PDE4B: variants seen among roughly 807,000 people sequenced by gnomAD.
PDE4B encodes the protein phosphodiesterase 4B.
Under a neutral mutation model 82.2 loss-of-function variants are expected in PDE4B, and 20 were observed. The ratio of observed to expected loss-of-function variants is 0.24; its 90% CI spans 0.17 to 0.35. The LOEUF (loss-of-function observed/expected upper bound fraction) is 0.35, where lower values mean the gene tolerates loss of function less well. PDE4B is among the 10% of genes least tolerant of loss of function. The pLI is 1.00. For missense variants in PDE4B, 655 were observed against 907.2 expected, an observed-to-expected ratio of 0.72 and a Z score of 3.57; for synonymous variants, 320 against 318.9, an observed-to-expected ratio of 1.00 and a Z score of -0.04.
At chr1:66,162,295 A>G (rs1646631068) in intron 3 of PDE4B, among the ~76,000 whole-genome samples, 1 of 123,392 alleles carries the variant, frequency 8.1e-6, no homozygotes, top group African/African-American at 3.0e-5. Context: ...GGTAAGGTTC[A>G]TGGACTTCTC....
intron 3 of PDE4B, among the ~76,000 whole-genome samples, chr1:66,044,460 G>A (rs1047283234): frequency 6.6e-5 from 10 of 151,722 alleles, no homozygotes; most frequent in African/African-American, 2.4e-4. Context: ...TGATGATTGT[G>A]CAGTGTTTCT....
intron 3 of PDE4B, among the ~76,000 whole-genome samples, chr1:66,137,418 G>A (rs957931072): frequency 6.6e-6 from 1 of 152,190 alleles, no homozygotes; most frequent in Non-Finnish European, 1.5e-5. Context: ...ATGAGATCAT[G>A]TCTGATGGCT....
intron 1 of PDE4B, among the ~76,000 whole-genome samples, chr1:65,900,362 C>T (rs1324118522): frequency 6.6e-6 from 1 of 151,898 alleles, no homozygotes; most frequent in Non-Finnish European, 1.5e-5. Flanking sequence ...GTTACTATAG[C>T]CTTATAGTAT....
At chr1:66,252,743 G>A (rs913537472) in intron 4 of PDE4B, among the ~76,000 whole-genome samples, 4 of 152,116 alleles carry the variant, frequency 2.6e-5, no homozygotes, top group Non-Finnish European at 4.4e-5. Flanking sequence ...TTTGAGACCA[G>A]CCTGGACAAC....
chr1:65,940,733 G>A (rs1648400218), intron 3 of PDE4B, among the ~76,000 whole-genome samples: 2 of 151,978 alleles, frequency 1.3e-5, no homozygotes, highest in South Asian at 2.1e-4. Flanking sequence ...AACACTCAGG[G>A]AAATATTTTT....
intron 1 of PDE4B, among the ~76,000 whole-genome samples, chr1:65,803,127 A>G (rs1645715847): frequency 1.3e-5 from 2 of 152,178 alleles, no homozygotes; most frequent in Non-Finnish European, 2.9e-5. Context: ...TACTCATTCA[A>G]GATATTGACA....
intron 1 of PDE4B, among the ~76,000 whole-genome samples, chr1:65,860,496 G>T (rs1646442209): frequency 6.6e-6 from 1 of 152,194 alleles, no homozygotes; most frequent in Non-Finnish European, 1.5e-5. Flanking sequence ...GAACAGTGCT[G>T]CAATAAACAT....
intron 3 of PDE4B, among the ~76,000 whole-genome samples, chr1:66,183,344 A>G (rs1189613503): frequency 6.6e-6 from 1 of 152,216 alleles, no homozygotes; most frequent in Admixed American, 6.5e-5. Flanking sequence ...ACCATTTCTA[A>G]ATGCTATCAC....
At chr1:65,943,167 C>T (rs1432659416) in intron 3 of PDE4B, among the ~76,000 whole-genome samples, 1 of 151,858 alleles carries the variant, frequency 6.6e-6, no homozygotes, top group East Asian at 1.9e-4. Flanking sequence ...ACTCTTAAAT[C>T]AATTTTTAGT....
chr1:66,016,525 T>C (rs1479265318), intron 3 of PDE4B, among the ~76,000 whole-genome samples: 1 of 152,170 alleles, frequency 6.6e-6, no homozygotes, highest in African/African-American at 2.4e-5. Context: ...AGAGTATATA[T>C]TAGAGATAAA....
chr1:66,078,054 T>C (rs186614243), intron 3 of PDE4B, among the ~76,000 whole-genome samples: 8 of 152,288 alleles, frequency 5.3e-5, no homozygotes, highest in Non-Finnish European at 8.8e-5. Flanking sequence ...TGAGAACAGT[T>C]GGTTCTTTGT....
chr1:65,924,566 A>G (rs1166872938), intron 3 of PDE4B, among the ~76,000 whole-genome samples: 1 of 152,140 alleles, frequency 6.6e-6, no homozygotes, highest in Non-Finnish European at 1.5e-5. Context: ...ACTGGCTTAA[A>G]ATAACATTTT....
intron 7 of PDE4B, among the ~76,000 whole-genome samples, chr1:66,319,586 T>C (rs139887519): frequency 5.3e-5 from 8 of 152,342 alleles, no homozygotes; most frequent in African/African-American, 1.9e-4. Context: ...AGCACTGAAC[T>C]TGGAGTCAGA....
At chr1:65,934,393 A>G (rs1237997403) in intron 3 of PDE4B, among the ~76,000 whole-genome samples, 3 of 152,226 alleles carry the variant, frequency 2.0e-5, no homozygotes, top group Non-Finnish European at 2.9e-5. Flanking sequence ...ACAAAGAGCT[A>G]TGATTGTGCC....
At chr1:66,025,255 A>T (rs1653370812) in intron 3 of PDE4B, among the ~76,000 whole-genome samples, 1 of 152,140 alleles carries the variant, frequency 6.6e-6, no homozygotes, top group South Asian at 2.1e-4. Context: ...TACTTCAAGG[A>T]AAGAAGTGAT....
chr1:65,796,464 T>C (rs1357484480), intron 1 of PDE4B, among the ~76,000 whole-genome samples: 2 of 152,082 alleles, frequency 1.3e-5, no homozygotes, highest in Non-Finnish European at 2.9e-5. Context: ...TTGGTCTGTT[T>C]TCAAGTTCGC....
chr1:66,314,427 T>C (rs563090577), intron 7 of PDE4B, among the ~76,000 whole-genome samples: 49 of 152,306 alleles, frequency 3.2e-4, no homozygotes, highest in African/African-American at 1.1e-3. Context: ...GTTTTGTTTT[T>C]TTGGAGATGG....
chr1:66,369,058 T>G (rs916130353), intron 16 of PDE4B, 89 bp downstream of exon 16: 24 of 956,484 alleles, frequency 2.5e-5, no homozygotes, highest in Middle Eastern at 3.3e-4. Context: ...TCCAATAGAA[T>G]ATGTATATAT....
chr1:66,189,011 C>T (rs964117020), intron 3 of PDE4B, among the ~76,000 whole-genome samples: 7 of 152,100 alleles, frequency 4.6e-5, no homozygotes, highest in Non-Finnish European at 1.0e-4. Flanking sequence ...CCTTCAGGAG[C>T]TCTTTTAGGG....
Sources: gnomAD v4.1 joint callset for allele counts (sites outside exome capture counted in the v4.1 genomes callset) on GRCh38, gnomAD v4.1.1 for gene constraint, MANE v1.5 for transcripts, NCBI Gene and HGNC (gene_info 2026-07-23, HGNC 2026-07-21) for gene names.